The following NFATC3 variants were observed in gnomAD, a reference collection of about 807,000 sequenced individuals.
NFATC3 encodes the protein nuclear factor of activated T cells 3.
In NFATC3, 46 loss-of-function variants were observed where a neutral mutation model predicts 98.6. The observed-to-expected ratio is 0.47, with a 90% CI of 0.37 to 0.60. The LOEUF (loss-of-function observed/expected upper bound fraction) is 0.60, where lower values mean the gene tolerates loss of function less well. NFATC3 is among the 20% of genes least tolerant of loss of function. The pLI, the probability that NFATC3 is intolerant of heterozygous loss-of-function variation, is 0.00. For missense variants in NFATC3, 1,256 were observed against 1,295.5 expected (o/e 0.97, Z 0.47); for synonymous variants, 512 against 472.2 (o/e 1.08, Z -1.09).
chr16:68,162,928 T>C (rs2038964963), intron 4 of NFATC3, among the ~76,000 whole-genome samples: 1 of 144,114 alleles, frequency 6.9e-6, no homozygotes, highest in African/African-American at 2.7e-5. Flanking sequence ...TACTTGCGAT[T>C]AGGGAGTGGT....
chr16:68,192,291 G>A (rs12933216), intron 9 of NFATC3: 2 of 114,492 alleles, frequency 1.7e-5, no homozygotes, highest in South Asian at 2.8e-4. Flanking sequence ...ATATATATAT[G>A]TATGTGTGTA....
chr16:68,226,296 A>G, intron 9 of NFATC3, 54 bp from the exon 10 acceptor site: 2 of 1,534,814 alleles, frequency 1.3e-6, no homozygotes, highest in Non-Finnish European at 8.7e-7. Context: ...GTTGGGCATC[A>G]TATGGCTAAT....
chr16:68,114,350 G>A lies in NFATC3; in HGVS notation c.104-7637G>A, dbSNP rs1471465821. 4.6e-5 allele frequency among the ~76,000 whole-genome samples: 7 copies of A among 152,058 alleles called. No homozygotes were observed. In the East Asian group the frequency reaches 1.4e-3, roughly 29 times the overall value. On this transcript the variant is annotated intron_variant, in intron 1 of 9. Transcript: ENST00000346183. ...TGGCCGTTTTTGCTCCTCTTAGTGGGAGCCGCAGACTGGAGTGGCTTCTAA... is the reference window on the plus strand; with the variant it reads ...TGGCCGTTTTTGCTCCTCTTAGTGGAAGCCGCAGACTGGAGTGGCTTCTAA...
At chr16:68,223,878 GA>G (rs2041950748) in intron 9 of NFATC3, among the ~76,000 whole-genome samples, 1 of 138,390 alleles carries the variant, frequency 7.2e-6, no homozygotes, top group Non-Finnish European at 1.5e-5. Context: ...CTCGGTGACA[GA>G]GCAAGACTCC....
At chr16:68,116,531 T>C (rs2036287101) in intron 1 of NFATC3, among the ~76,000 whole-genome samples, 2 of 152,178 alleles carry the variant, frequency 1.3e-5, no homozygotes, top group African/African-American at 4.8e-5. Flanking sequence ...AATCTGGACT[T>C]AGGACTGTTC....
intron 6 of NFATC3, among the ~76,000 whole-genome samples, chr16:68,177,032 C>CTTTTTTTTTT (rs548092276): frequency 1.3e-4 from 17 of 133,072 alleles, no homozygotes; most frequent in East Asian, 2.1e-4. Context: ...CTTTTCTTTT[C>CTTTTTTTTTT]TTTTTTTTTT....
intron 9 of NFATC3, among the ~76,000 whole-genome samples, chr16:68,213,012 G>T (rs1325306101): frequency 6.9e-6 from 1 of 144,918 alleles, no homozygotes; most frequent in East Asian, 2.1e-4. Context: ...TGTTAGCCAG[G>T]ATGGTCTCGG....
intron 2 of NFATC3, among the ~76,000 whole-genome samples, chr16:68,124,311 T>C (rs1490557563): frequency 6.6e-6 from 1 of 152,126 alleles, no homozygotes; most frequent in Non-Finnish European, 1.5e-5. Context: ...GATGGGGTCT[T>C]GCTTTGTTGC....
chr16:68,120,712 G>A (rs903390995), intron 1 of NFATC3, among the ~76,000 whole-genome samples: 7 of 151,736 alleles, frequency 4.6e-5, no homozygotes, highest in Admixed American at 1.3e-4. Context: ...CAGCCTGGGC[G>A]ACAGAGCAAG....
chr16:68,141,727 T>G (rs1011596005), intron 3 of NFATC3, among the ~76,000 whole-genome samples: 1 of 152,040 alleles, frequency 6.6e-6, no homozygotes, highest in African/African-American at 2.4e-5. Flanking sequence ...ATTGGATGTA[T>G]AGTTTGCTAA....
intron 3 of NFATC3, among the ~76,000 whole-genome samples, chr16:68,137,056 A>G (rs1431418655): frequency 6.6e-6 from 1 of 152,182 alleles, no homozygotes; most frequent in Non-Finnish European, 1.5e-5. Flanking sequence ...AGACTTTCTA[A>G]GCACAGTACT....
chr16:68,138,859 G>T, intron 3 of NFATC3: 1 of 1,084,684 alleles, frequency 9.2e-7, no homozygotes, highest in African/African-American at 1.7e-5. Context: ...ACTAATACGG[G>T]CTCTAGAGCC....
At chr16:68,171,675 A>G (rs1382602784) in intron 5 of NFATC3, among the ~76,000 whole-genome samples, 1 of 152,048 alleles carries the variant, frequency 6.6e-6, no homozygotes. Flanking sequence ...GGGTTTCACC[A>G]TGTTGGCCAG....
At chr16:68,192,243 ATATATATATATGTATGTG>A (rs755672344) in intron 9 of NFATC3, 7 of 112,680 alleles carry the variant, frequency 6.2e-5, no homozygotes, top group East Asian at 5.5e-4. Context: ...ATATATATAT[ATATATATATATGTATGTG>A]TATATATATA....
At chr16:68,108,260 G>A (rs149216610) in intron 1 of NFATC3, among the ~76,000 whole-genome samples, 1 of 152,278 alleles carries the variant, frequency 6.6e-6, no homozygotes, top group Non-Finnish European at 1.5e-5. Context: ...TGTATAAGGT[G>A]TAAGGAAGGG....
intron 3 of NFATC3, among the ~76,000 whole-genome samples, chr16:68,127,377 A>G (rs895955532): frequency 3.3e-5 from 5 of 152,140 alleles, no homozygotes; most frequent in Middle Eastern, 3.2e-3. Flanking sequence ...TAGCTAGAAA[A>G]ATGAATGGAT....
intron 9 of NFATC3, among the ~76,000 whole-genome samples, chr16:68,211,933 A>G (rs1237287643): frequency 1.3e-5 from 2 of 152,348 alleles, no homozygotes; most frequent in Middle Eastern, 6.8e-3. Flanking sequence ...GGAGCACTGC[A>G]AGTTTCTGTA....
At position 68,227,911 on chromosome 16, in the gene NFATC3, A is replaced by G. The variant is rs1391217344; in HGVS notation, c.*1440A>G. 2 of 152,136 alleles carry G rather than the reference A, an allele frequency of 1.3e-5. No individual in the cohort carries two copies. Among genetic ancestry groups the G allele is most frequent in the African/African-American group, 4.8e-5 (2 of 41,424 alleles). The allele number at this position is 152,136 out of a possible 1,614,324, so 9.4% of individuals were successfully genotyped here. A position where few individuals can be genotyped will look rare whatever the true frequency, so the allele number is the denominator to read the frequency against. On this transcript the variant is annotated 3_prime_UTR_variant, in exon 10 of 10. Transcript: ENST00000346183. ...GCAGTATGCTTTCAAATGAAATAAT[A>G]TACTTCCATTGATTCAGGAAGCAGA...
intron 9 of NFATC3, chr16:68,192,243 A>ATATATATATATGTATGTG (rs755672344): frequency 4.3e-4 from 49 of 112,656 alleles, no homozygotes; most frequent in African/African-American, 6.2e-4. Flanking sequence ...ATATATATAT[A>ATATATATATATGTATGTG]TATATATATA....
Sources: gnomAD v4.1 joint callset for allele counts (sites outside exome capture counted in the v4.1 genomes callset) on GRCh38, gnomAD v4.1.1 for gene constraint, MANE v1.5 for transcripts, NCBI Gene and HGNC (gene_info 2026-07-23, HGNC 2026-07-21) for gene names.